Variants in TRIM33 observed in about 807,000 individuals in gnomAD.
TRIM33 encodes the protein E3 ubiquitin-protein ligase TRIM33.
Under a neutral mutation model 125.4 loss-of-function variants are expected in TRIM33, and 20 were observed. The observed-to-expected ratio is 0.16, with a 90% confidence interval of 0.11 to 0.23. TRIM33 has a LOEUF of 0.23. Among genes scored for constraint, TRIM33 ranks in the 10% least tolerant of loss-of-function variants. The probability of loss-of-function intolerance (pLI) is 1.00; values close to 1 mark genes in which losing one functional copy is unlikely to be tolerated. For synonymous variants in TRIM33, 564 were observed against 513.9 expected, an observed-to-expected ratio of 1.10 and a Z score of -1.32; for missense variants, 920 against 1,411.4, an observed-to-expected ratio of 0.65 and a Z score of 5.58.
At chr1:114,401,315 C>T (rs1651873142) in intron 17 of TRIM33, 74 bp downstream of exon 17, 14 of 1,269,260 alleles carry the variant, frequency 1.1e-5, no homozygotes, top group South Asian at 5.2e-5. Context: ...TGAGCCACCG[C>T]GCCCGGCCGC....
chr1:114,410,483 A>G (rs1018349178), intron 11 of TRIM33, among the ~76,000 whole-genome samples, 167 bp from the exon 12 acceptor site: 1 of 152,178 alleles, frequency 6.6e-6, no homozygotes, highest in African/African-American at 2.4e-5. Flanking sequence ...CACACAGTAT[A>G]AAGTTTATTT....
chr1:114,480,069 C>A (rs960015939), intron 1 of TRIM33, among the ~76,000 whole-genome samples: 5 of 152,182 alleles, frequency 3.3e-5, no homozygotes, highest in Non-Finnish European at 7.3e-5. Flanking sequence ...ATAGAGAAAT[C>A]AGATCGTTGC....
intron 4 of TRIM33, among the ~76,000 whole-genome samples, chr1:114,457,205 C>T (rs141976736): frequency 1.3e-3 from 193 of 152,264 alleles, no homozygotes; most frequent in African/African-American, 4.5e-3. Flanking sequence ...AAATACTTTC[C>T]AGCCCTATGA....
Position 114,511,006 on chromosome 1 carries a change from G to A in TRIM33, c.71C>T (p.Ala24Val), listed in dbSNP as rs1653332373. The part of the protein sequence containing the change: ...GGGSGSAPVT[A>V]GAAGPAAQEA... ...CTGCGCGGCGGGCCCGGCGGCCCCG[G>A]CAGTTACCGGCGCGCTGCCGCTGCC... The change falls in exon 1 of 20, where the codon GCC becomes GTC. Residue 24 changes from alanine (A) to valine (V), a missense_variant. Coordinates refer to ENST00000358465, the MANE Select transcript of TRIM33 (RefSeq NM_015906.4). 7.5e-7 allele frequency: 1 copy of A among 1,328,880 alleles called. No individual in the cohort carries two copies. Among genetic ancestry groups the A allele is most frequent in the East Asian group, 3.3e-5 (1 of 30,522 alleles). 82.3% of individuals were successfully genotyped at this position (1,328,880 alleles called of 1,614,324 possible).
chr1:114,487,513 T>C (rs1006386945), intron 1 of TRIM33, among the ~76,000 whole-genome samples: 3 of 151,870 alleles, frequency 2.0e-5, no homozygotes, highest in Non-Finnish European at 4.4e-5. Context: ...TAAAAGCATG[T>C]ATGGTTAAAG....
chr1:114,500,810 G>GT (rs1170288966), intron 1 of TRIM33, among the ~76,000 whole-genome samples: 3 of 151,718 alleles, frequency 2.0e-5, no homozygotes, highest in Non-Finnish European at 4.4e-5. Context: ...TCTAAAAAGT[G>GT]TATCAGTTAT....
intron 1 of TRIM33, among the ~76,000 whole-genome samples, chr1:114,495,167 G>A (rs912247029): frequency 2.0e-5 from 3 of 151,986 alleles, no homozygotes; most frequent in South Asian, 2.1e-4. Flanking sequence ...CGCTCATCTC[G>A]GCCGCCCAAA....
At chr1:114,484,599 A>C (rs926320176) in intron 1 of TRIM33, among the ~76,000 whole-genome samples, 3 of 152,010 alleles carry the variant, frequency 2.0e-5, no homozygotes, top group Admixed American at 2.0e-4. Flanking sequence ...ATGGTAGCTC[A>C]CTCCTGTAAT....
At chr1:114,446,636 G>A (rs1358946959) in intron 4 of TRIM33, among the ~76,000 whole-genome samples, 1 of 152,000 alleles carries the variant, frequency 6.6e-6, no homozygotes. Flanking sequence ...TTAAAATAAT[G>A]CAGCAAAGAG....
At chr1:114,445,605 G>A (rs915555992) in intron 4 of TRIM33, among the ~76,000 whole-genome samples, 1 of 151,990 alleles carries the variant, frequency 6.6e-6, no homozygotes, top group Admixed American at 6.6e-5. Flanking sequence ...CTCAGCGAAC[G>A]CCACAGAGGA....
chr1:114,497,536 G>C (rs1652444208), intron 1 of TRIM33, among the ~76,000 whole-genome samples: 1 of 152,128 alleles, frequency 6.6e-6, no homozygotes, highest in Non-Finnish European at 1.5e-5. Flanking sequence ...CCTGACCTCA[G>C]GTGATCTGTC....
At chr1:114,446,585 A>C (rs896096362) in intron 4 of TRIM33, among the ~76,000 whole-genome samples, 1 of 152,238 alleles carries the variant, frequency 6.6e-6, no homozygotes, top group Admixed American at 6.5e-5. Flanking sequence ...TAAAAAGCCA[A>C]CAGTAGATGT....
At position 114,395,370 on chromosome 1, in the gene TRIM33, AAC is replaced by A. The variant is rs1312762023; in HGVS notation, c.*2276_*2277del. The A allele has an allele frequency of 5.0e-6, 1 of 201,990 alleles. No homozygotes were observed. Among genetic ancestry groups the A allele is most frequent in the Non-Finnish European group, 1.0e-5 (1 of 98,104 alleles). The allele number at this position is 201,990 out of a possible 1,614,324, so 12.5% of individuals were successfully genotyped here. On this transcript the variant is annotated 3_prime_UTR_variant, in exon 20 of 20. Transcript: ENST00000358465. Reference sequence around the variant, plus strand: ...TCTATCTAACATGTAATTTTAAGGAAACACAATTATTTTTTAAGGCCCCAAAT... The same window carrying A: ...TCTATCTAACATGTAATTTTAAGGAAACAATTATTTTTTAAGGCCCCAAAT...
chr1:114,450,119 T>C (rs1003703151), intron 4 of TRIM33, among the ~76,000 whole-genome samples: 1 of 152,208 alleles, frequency 6.6e-6, no homozygotes, highest in South Asian at 2.1e-4. Context: ...AGGCTGGGCA[T>C]GGTGGCTCAC....
intron 4 of TRIM33, among the ~76,000 whole-genome samples, chr1:114,454,382 CA>C (rs1386776896): frequency 6.6e-6 from 1 of 151,952 alleles, no homozygotes; most frequent in East Asian, 1.9e-4. Flanking sequence ...CAAGGAAATG[CA>C]AACTAATAAG....
chr1:114,441,913 G>C (rs1162970504), intron 4 of TRIM33, among the ~76,000 whole-genome samples: 1 of 152,146 alleles, frequency 6.6e-6, no homozygotes, highest in Non-Finnish European at 1.5e-5. Context: ...TCTTCAGATA[G>C]TTTGATATCC....
intron 1 of TRIM33, among the ~76,000 whole-genome samples, chr1:114,470,113 T>A (rs1180523606): frequency 2.0e-5 from 3 of 152,182 alleles, no homozygotes; most frequent in Non-Finnish European, 4.4e-5. Context: ...ATAACTAATA[T>A]CTATTATCAT....
intron 10 of TRIM33, 44 bp from the exon 11 acceptor site, chr1:114,421,680 C>T (rs187268681): frequency 7.6e-6 from 12 of 1,580,244 alleles, no homozygotes; most frequent in East Asian, 6.7e-5. Context: ...CTGCCAGAAT[C>T]GCTGAATATA....
In TRIM33 at chr1:114,423,152, C is replaced by G. The variant is rs373673921; in HGVS notation, c.1860+1439G>C. On this transcript the variant is annotated intron_variant, in intron 10 of 19. Transcript: ENST00000358465. ...TAGTCTTAAACCATGTAAACACACCCATTTTGTTTCAACAATTGTGGAGAT... is the reference window on the plus strand; with the variant it reads ...TAGTCTTAAACCATGTAAACACACCGATTTTGTTTCAACAATTGTGGAGAT... Among the ~76,000 whole-genome samples, 4 of 152,238 alleles carry G rather than the reference C, an allele frequency of 2.6e-5. No individual in the cohort carries two copies. The South Asian group carries it at 8.3e-4, about 32-fold the overall frequency.
Sources: gnomAD v4.1 joint callset for allele counts (sites outside exome capture counted in the v4.1 genomes callset) on GRCh38, gnomAD v4.1.1 for gene constraint, MANE v1.5 for transcripts, NCBI Gene and HGNC (gene_info 2026-07-23, HGNC 2026-07-21) for gene names.